Variants in PIGS observed in about 807,000 individuals in gnomAD.
PIGS encodes GPI-anchor transamidase component PIGS.
Under a neutral mutation model 58.2 loss-of-function variants are expected in PIGS, and 37 were observed. The observed-to-expected ratio is 0.64, with a 90% CI of 0.49 to 0.84. The LOEUF is 0.84. Ranked by LOEUF, PIGS falls within the 40% of genes least tolerant of loss-of-function variation. The pLI, the probability that PIGS is intolerant of heterozygous loss-of-function variation, is 0.00. For synonymous variants in PIGS, 269 were observed against 289.2 expected (o/e 0.93, Z 0.71); for missense variants, 629 against 710.8 (o/e 0.88, Z 1.31).
chr17:28,559,955 C>T, intron 7 of PIGS, 94 bp downstream of exon 7: 1 of 1,458,594 alleles, frequency 6.9e-7, no homozygotes, highest in Non-Finnish European at 9.2e-7. Flanking sequence ...AAATTCCTAG[C>T]AAATCAGCAA....
chr17:28,559,988 A>C (rs531415651), intron 7 of PIGS, 61 bp downstream of exon 7: 6 of 1,531,616 alleles, frequency 3.9e-6, no homozygotes, highest in Non-Finnish European at 5.3e-6. Context: ...GGAGGAACAG[A>C]CTGCACTTGT....
chr17:28,570,096 A>G (rs2070417968), intron 3 of PIGS, among the ~76,000 whole-genome samples: 1 of 152,154 alleles, frequency 6.6e-6, no homozygotes, highest in African/African-American at 2.4e-5. Flanking sequence ...GTATACTTCT[A>G]CTGTAATTTA....
chr17:28,571,273 G>A, intron 1 of PIGS, 85 bp from the exon 2 acceptor site: 10 of 1,542,670 alleles, frequency 6.5e-6, no homozygotes, highest in Non-Finnish European at 8.8e-6. Flanking sequence ...CCCAACCACC[G>A]GCCTCCAGGG....
rs934800017 is a variant in PIGS at position 28,556,485 on chromosome 17, C to T, written c.1081-219G>A. On this transcript the variant is annotated intron_variant, in intron 9 of 11. Coordinates refer to ENST00000308360, the MANE Select transcript of PIGS (RefSeq NM_033198.4). ...CCTGTAGAACATATTTTTTTCTTAT[C>T]CCATTTTAGAATTCTCCCCCATGAG... 3.3e-5 allele frequency: 24 copies of T among 721,522 alleles called. No individual in the cohort carries two copies. In the Admixed American group the frequency reaches 3.8e-4, roughly 11 times the overall value. 44.7% of individuals were successfully genotyped at this position (721,522 alleles called of 1,614,324 possible). A position where few individuals can be genotyped will look rare whatever the true frequency, so the allele number is the denominator to read the frequency against.
Position 28,570,983 on chromosome 17 carries a change from G to T in PIGS, c.175-20C>A, listed in dbSNP as rs780981241. 1 of 1,614,204 alleles carries T rather than the reference G, an allele frequency of 6.2e-7. No individual in the cohort carries two copies. Among genetic ancestry groups the T allele is most frequent in the Non-Finnish European group, 8.5e-7 (1 of 1,180,036 alleles). Reference sequence around the variant, plus strand: ...GCGGAGCTACAGGAAGGAGCATCAGGGCCGTCACTGAGTCTCCACCTTGCC... The same window carrying T: ...GCGGAGCTACAGGAAGGAGCATCAGTGCCGTCACTGAGTCTCCACCTTGCC... On this transcript the variant is annotated intron_variant, in intron 2 of 11. Transcript: ENST00000308360.
Position 28,554,399 on chromosome 17 carries a change from A to G in PIGS, c.1489T>C (p.Ser497Pro). 6.2e-7 allele frequency: 1 copy of G among 1,614,178 alleles called. No individual in the cohort carries two copies. Among genetic ancestry groups the G allele is most frequent in the East Asian group, 2.2e-5 (1 of 44,874 alleles). Reference sequence around the variant, plus strand: ...GGGTCAAAGAAGGCAAGCTCAGAGGATGTCACAGCTTCCTGGCTGGCGACA... The same window carrying G: ...GGGTCAAAGAAGGCAAGCTCAGAGGGTGTCACAGCTTCCTGGCTGGCGACA... ...AFVASQEAVT[S>P]SELAFFDPSL... The change falls in exon 12 of 12, where the codon TCC becomes CCC. Residue 497 changes from serine (S) to proline (P), a missense_variant. Ser to Pro is a moderately conservative substitution (Grantham distance 74). Transcript: ENST00000308360.
At chr17:28,558,056 C>G (rs1223508747) in intron 8 of PIGS, among the ~76,000 whole-genome samples, 1 of 152,128 alleles carries the variant, frequency 6.6e-6, no homozygotes, top group African/African-American at 2.4e-5. Context: ...GCCTATAATC[C>G]CAGCATTTTA....
chr17:28,568,851 T>A (rs760480835), intron 3 of PIGS, among the ~76,000 whole-genome samples: 7 of 152,032 alleles, frequency 4.6e-5, no homozygotes, highest in Non-Finnish European at 1.0e-4. Context: ...ATCCCAGCAC[T>A]TTGGGAGGCC....
In PIGS at chr17:28,554,112, G is replaced by A; in HGVS notation, c.*108C>T. On this transcript the variant is annotated 3_prime_UTR_variant, in exon 12 of 12. Transcript: ENST00000308360. ...TGCTGGAGAGCCAACAGTGGAGACT[G>A]GAGACAAATATTTAAGTCATTCCGG... is the stretch of plus-strand genomic sequence containing the variant. 3 of 1,415,994 alleles carry A rather than the reference G, an allele frequency of 2.1e-6. No individual in the cohort carries two copies. The highest frequency in any genetic ancestry group is 2.9e-6 in the Non-Finnish European group (3 of 1,037,552). The allele number at this position is 1,415,994 out of a possible 1,614,324, so 87.7% of individuals were successfully genotyped here.
At chr17:28,563,758 A>C in intron 4 of PIGS, 60 bp downstream of exon 4, 6 of 1,502,230 alleles carry the variant, frequency 4.0e-6, no homozygotes, top group South Asian at 1.1e-5. Context: ...CTATGCACTT[A>C]GAGATCAGAA....
At chr17:28,563,965 T>C in intron 3 of PIGS, 58 bp from the exon 4 acceptor site, 1 of 1,437,170 alleles carries the variant, frequency 7.0e-7, no homozygotes, top group Non-Finnish European at 9.8e-7. Flanking sequence ...TCTGCCCACC[T>C]TCCCAGACCT....
At chr17:28,569,190 A>C (rs1455321741) in intron 3 of PIGS, among the ~76,000 whole-genome samples, 1 of 151,130 alleles carries the variant, frequency 6.6e-6, no homozygotes. Flanking sequence ...AAAATGTTTT[A>C]ACCAGCCGGG....
chr17:28,558,662 T>A (rs1447895641), intron 7 of PIGS, 72 bp from the exon 8 acceptor site: 1 of 1,275,810 alleles, frequency 7.8e-7, no homozygotes, highest in Non-Finnish European at 1.1e-6. Context: ...AGATTTGAGG[T>A]GCCTTAAAAA....
chr17:28,554,023 G>T lies in PIGS; in HGVS notation c.*197C>A. On this transcript the variant is annotated 3_prime_UTR_variant, in exon 12 of 12. Transcript: ENST00000308360. ...TTTGAGGCCCCTGGTGGTGGAGGAGGATTGAGCCAGGTGAATGGGAAAGGA... is the reference window on the plus strand; with the variant it reads ...TTTGAGGCCCCTGGTGGTGGAGGAGTATTGAGCCAGGTGAATGGGAAAGGA... 1.5e-6 allele frequency: 1 copy of T among 670,296 alleles called. No individual in the cohort carries two copies. Among genetic ancestry groups the T allele is most frequent in the Non-Finnish European group, 2.5e-6 (1 of 405,546 alleles). The allele number at this position is 670,296 out of a possible 1,614,324, so 41.5% of individuals were successfully genotyped here. A position where few individuals can be genotyped will look rare whatever the true frequency, so the allele number is the denominator to read the frequency against.
chr17:28,562,526 T>C (rs940071347), intron 5 of PIGS, among the ~76,000 whole-genome samples: 8 of 152,040 alleles, frequency 5.3e-5, no homozygotes, highest in Non-Finnish European at 1.2e-4. Flanking sequence ...CTCCACCTCC[T>C]GGGTTCAAGT....
At position 28,560,157 on chromosome 17, in the gene PIGS, G is replaced by A; in HGVS notation, c.711C>T (p.Asp237=). 6.2e-7 allele frequency: 1 copy of A among 1,612,664 alleles called. No homozygotes were observed. Among genetic ancestry groups the A allele is most frequent in the Non-Finnish European group, 8.5e-7 (1 of 1,179,466 alleles). ...YEITFSLLNP[D]PKSHDVYWDI... is the part of the protein sequence containing the mutation. ...CCCAGTAGACATCATGGGACTTGGGGTCTGGGTTGAGTAAACTGAAGGTGA... is the reference window on the plus strand; with the variant it reads ...CCCAGTAGACATCATGGGACTTGGGATCTGGGTTGAGTAAACTGAAGGTGA... Residue 237 remains aspartate (D), a synonymous_variant, in exon 7 of 12, where the codon GAC becomes GAT. Coordinates refer to ENST00000308360, the MANE Select transcript of PIGS (RefSeq NM_033198.4).
At chr17:28,562,777 T>C (rs749995957) in intron 5 of PIGS, among the ~76,000 whole-genome samples, 32 of 151,324 alleles carry the variant, frequency 2.1e-4, no homozygotes, top group Non-Finnish European at 3.7e-4. Context: ...AATGGCATGA[T>C]ATTAGCTCAC....
rs376266979 is a variant in PIGS at position 28,561,547 on chromosome 17, C to T, written c.551G>A (p.Arg184His). Reference protein sequence around the residue: ...MHREAFNIIGRRIVQVAQAMS... With the variant: ...MHREAFNIIGHRIVQVAQAMS... ...GGCCTGGGCCACCTGGACTATGCGG[C>T]GGCCAATGATGTTAAAGGCCTCCCG... The change falls in exon 6 of 12, where the codon CGC becomes CAC. Residue 184 changes from arginine to histidine, a missense_variant. Arg to His is a conservative substitution (Grantham distance 29). Transcript: ENST00000308360. 2.2e-5 allele frequency: 35 copies of T among 1,613,788 alleles called. No homozygotes were observed. The highest frequency in any genetic ancestry group is 1.6e-4 in the Middle Eastern group (1 of 6,084).
intron 10 of PIGS, 135 bp downstream of exon 10, chr17:28,556,031 A>G: frequency 2.7e-6 from 2 of 730,896 alleles, no homozygotes; most frequent in Non-Finnish European, 4.6e-6. Context: ...TGGGATCCTT[A>G]GAAACTTTTC....
Sources: allele counts gnomAD v4.1 joint callset (sites outside exome capture counted in the v4.1 genomes callset), GRCh38; gene constraint gnomAD v4.1.1; transcripts MANE v1.5; gene names NCBI Gene and HGNC (gene_info 2026-07-23, HGNC 2026-07-21).